The following PIWIL1 variants were observed in gnomAD, a reference collection of about 807,000 sequenced individuals.
The protein encoded by PIWIL1 is piwi like RNA-mediated gene silencing 1.
PIWIL1 carries 73 observed loss-of-function variants against 114.4 expected under a neutral mutation model. The observed-to-expected ratio is 0.64, with a 90% CI of 0.53 to 0.78. The LOEUF is 0.78. Ranked by LOEUF, PIWIL1 falls within the 30% of genes least tolerant of loss-of-function variation. The probability of loss-of-function intolerance (pLI) is 0.00; values close to 1 mark genes in which losing one functional copy is unlikely to be tolerated. For synonymous variants in PIWIL1, 375 were observed against 369.0 expected (o/e 1.02, Z -0.19); for missense variants, 723 against 1,063.1 (o/e 0.68, Z 4.45).
At chr12:130,338,184 C>A in intron 1 of PIWIL1, 38 bp downstream of exon 1, 1 of 272,322 alleles carries the variant, frequency 3.7e-6, no homozygotes, top group African/African-American at 3.2e-5. Context: ...GTGCGGGGGC[C>A]GGGATGCGGG....
At chr12:130,414,297 C>T in the PIWIL1 span, 1 of 1,586,740 alleles carries the variant, frequency 6.3e-7, no homozygotes, top group Non-Finnish European at 8.6e-7. Flanking sequence ...GCGGTCTCGC[C>T]CGTAATCGTC....
intron 3 of PIWIL1, 124 bp from the exon 4 acceptor site, chr12:130,345,629 G>T: frequency 1.0e-6 from 1 of 998,362 alleles, no homozygotes; most frequent in South Asian, 1.6e-5. Context: ...TGATAGGATT[G>T]TTTTATGCCT....
In PIWIL1 at chr12:130,350,205, G is replaced by A. The variant is rs1029907784; in HGVS notation, c.1044+238G>A. Among the ~76,000 whole-genome samples, 4 of 152,320 alleles carry A rather than the reference G, an allele frequency of 2.6e-5. No homozygotes were observed. In the East Asian group the frequency reaches 7.7e-4, roughly 29 times the overall value. On this transcript the variant is annotated intron_variant, in intron 9 of 20. Coordinates refer to ENST00000245255, the MANE Select transcript of PIWIL1 (RefSeq NM_004764.5). ...GTTCCCTTTTTCCAGTAGAATGAAA[G>A]CTTACGTTTGAATTGAAGCCTATGG...
chr12:130,402,016 G>A, the PIWIL1 span, among the ~76,000 whole-genome samples: 1,607 of 152,318 alleles, frequency 0.011, 12 homozygotes, highest in Non-Finnish European at 0.017. Flanking sequence ...TAGAATGTGG[G>A]TGGAACTGCC....
chr12:130,425,197 G>A, the PIWIL1 span: 1 of 215,694 alleles, frequency 4.6e-6, no homozygotes, highest in African/African-American at 2.3e-5. Flanking sequence ...TGCTGTAGAT[G>A]GTGGGTGTGG....
At chr12:130,426,030 G>C in the PIWIL1 span, 1 of 152,340 alleles carries the variant, frequency 6.6e-6, no homozygotes, top group Non-Finnish European at 1.5e-5. Flanking sequence ...ATATTGGAGC[G>C]AATAAGGACA....
the PIWIL1 span, among the ~76,000 whole-genome samples, chr12:130,415,698 TAAG>T: frequency 6.7e-6 from 1 of 150,270 alleles, no homozygotes; most frequent in Non-Finnish European, 1.5e-5. Flanking sequence ...ATATAGGAAA[TAAG>T]AAGTCAAATT....
At chr12:130,406,592 C>G in the PIWIL1 span, among the ~76,000 whole-genome samples, 2 of 152,274 alleles carry the variant, frequency 1.3e-5, no homozygotes, top group African/African-American at 4.8e-5. Flanking sequence ...GTATAAGGAC[C>G]ATTACGTAAA....
intron 1 of PIWIL1, chr12:130,339,785 G>C (rs1176194216): frequency 6.6e-6 from 1 of 152,188 alleles, no homozygotes; most frequent in Non-Finnish European, 1.5e-5. Context: ...CTTCCAGTCG[G>C]CTTCTAACTC....
rs766374504 is a variant in PIWIL1 at position 130,342,633 on chromosome 12, C to A, written c.42C>A (p.Arg14=). 1.2e-6 allele frequency: 2 copies of A among 1,613,880 alleles called. No homozygotes were observed. Among genetic ancestry groups the A allele is most frequent in the East Asian group, 2.2e-5 (1 of 44,880 alleles). Residue 14 remains arginine (R), a synonymous_variant, in exon 2 of 21, where the codon CGC becomes CGA. Coordinates refer to ENST00000245255, the MANE Select transcript of PIWIL1 (RefSeq NM_004764.5). ...GAGCCAGAGCCAGAGGAAGGGCCCG[C>A]GGTCAGGAGACAGCGCAGCTGGTGG... is the stretch of plus-strand genomic sequence containing the variant. ...RARARARGRA[R]GQETAQLVGS... is the part of the protein sequence containing the mutation.
the PIWIL1 span, among the ~76,000 whole-genome samples, chr12:130,417,865 G>C: frequency 1.1e-5 from 1 of 93,186 alleles, no homozygotes; most frequent in Non-Finnish European, 2.1e-5. Context: ...GAGAGAGAAT[G>C]GGAGGGGAGA....
chr12:130,383,034 G>T, the PIWIL1 span, among the ~76,000 whole-genome samples: 923 of 152,330 alleles, frequency 6.1e-3, 24 homozygotes, highest in East Asian at 0.051. Context: ...TACTCAACAA[G>T]ATAGATTGCA....
At chr12:130,341,559 A>G (rs2072918603) in intron 1 of PIWIL1, among the ~76,000 whole-genome samples, 1 of 152,250 alleles carries the variant, frequency 6.6e-6, no homozygotes, top group Non-Finnish European at 1.5e-5. Context: ...TAACACGTGT[A>G]GTTATAATTT....
the PIWIL1 span, among the ~76,000 whole-genome samples, chr12:130,382,099 A>G: frequency 4.6e-5 from 7 of 152,224 alleles, no homozygotes; most frequent in Non-Finnish European, 8.8e-5. Flanking sequence ...TTTTTAAAAA[A>G]CAGGTTAGGT....
chr12:130,411,774 G>A, the PIWIL1 span, among the ~76,000 whole-genome samples: 2 of 152,064 alleles, frequency 1.3e-5, no homozygotes, highest in East Asian at 1.9e-4. Flanking sequence ...ACTAAACTTC[G>A]ACTATTAGAT....
chr12:130,342,324 G>A lies in PIWIL1; in HGVS notation c.-12-256G>A, dbSNP rs376007013. 150 of 488,174 alleles carry A rather than the reference G, an allele frequency of 3.1e-4. No homozygotes were observed. In the South Asian group the frequency reaches 4.6e-3, roughly 15 times the overall value. 30.2% of individuals were successfully genotyped at this position (488,174 alleles called of 1,614,324 possible). ...TCTGTTTATAATAAATAATCCAAAT[G>A]AAAAACTAAGTCTTATATTAAAATA... On this transcript the variant is annotated intron_variant, in intron 1 of 20. Transcript: ENST00000245255.
intron 1 of PIWIL1, 76 bp downstream of exon 1, chr12:130,338,222 A>G (rs1593073213): frequency 1.4e-5 from 3 of 208,798 alleles, no homozygotes; most frequent in Non-Finnish European, 2.7e-5. Flanking sequence ...CGGGATGTGG[A>G]GGTGAGGCTC....
At chr12:130,402,579 T>C in the PIWIL1 span, among the ~76,000 whole-genome samples, 4 of 152,160 alleles carry the variant, frequency 2.6e-5, no homozygotes, top group African/African-American at 9.7e-5. Context: ...CCTTGACCTT[T>C]CCCTCCTCAG....
At chr12:130,399,642 G>T in the PIWIL1 span, 2 of 1,610,652 alleles carry the variant, frequency 1.2e-6, no homozygotes, top group South Asian at 1.1e-5. Flanking sequence ...ATGGCAGAAC[G>T]GGACAGAGAT....
Sources: allele counts gnomAD v4.1 joint callset (sites outside exome capture counted in the v4.1 genomes callset), GRCh38; gene constraint gnomAD v4.1.1; transcripts MANE v1.5; gene names NCBI Gene and HGNC (gene_info 2026-07-23, HGNC 2026-07-21).